METTL15: variants seen among roughly 807,000 people sequenced by gnomAD.
The protein encoded by METTL15 is 12S rRNA N(4)-cytidine methyltransferase METTL15.
In METTL15, 34 loss-of-function variants were observed where a neutral mutation model predicts 38.3. That is an observed-to-expected ratio of 0.89 (90% CI 0.68 to 1.18). The LOEUF (loss-of-function observed/expected upper bound fraction) is 1.18, where lower values mean the gene tolerates loss of function less well. METTL15 is among the 50% of genes most tolerant of loss of function. METTL15 has a pLI of 0.00. For synonymous variants in METTL15, 162 were observed against 170.9 expected, an observed-to-expected ratio of 0.95 and a Z score of 0.41; for missense variants, 438 against 498.4, an observed-to-expected ratio of 0.88 and a Z score of 1.15.
intron 6 of METTL15, among the ~76,000 whole-genome samples, chr11:28,447,979 C>G (rs961352530): frequency 6.6e-6 from 1 of 152,136 alleles, no homozygotes; most frequent in Non-Finnish European, 1.5e-5. Context: ...TGTCACAGAT[C>G]ACAACTTGGA....
chr11:28,375,660 A>G (rs2133379439), intron 5 of METTL15, among the ~76,000 whole-genome samples: 1 of 151,534 alleles, frequency 6.6e-6, no homozygotes, highest in Non-Finnish European at 1.5e-5. Flanking sequence ...TTGTGTCTCT[A>G]TTTCCTTCAG....
intron 4 of METTL15, among the ~76,000 whole-genome samples, chr11:28,283,346 G>A (rs1198940657): frequency 6.6e-6 from 1 of 152,124 alleles, no homozygotes; most frequent in Non-Finnish European, 1.5e-5. Flanking sequence ...AAGCACCTTA[G>A]AAACCATGGG....
At chr11:28,441,883 T>C (rs1374136961) in intron 6 of METTL15, among the ~76,000 whole-genome samples, 3 of 152,224 alleles carry the variant, frequency 2.0e-5, no homozygotes, top group Non-Finnish European at 2.9e-5. Context: ...AGGTTTTCAT[T>C]CTAGAAAATA....
intron 4 of METTL15, among the ~76,000 whole-genome samples, chr11:28,285,436 G>A (rs1050895638): frequency 6.0e-5 from 9 of 149,720 alleles, no homozygotes; most frequent in African/African-American, 1.2e-4. Context: ...ACAATTTTTC[G>A]TCTTCCAGTG....
chr11:28,134,972 A>G (rs1357644081), intron 3 of METTL15, among the ~76,000 whole-genome samples: 6 of 152,162 alleles, frequency 3.9e-5, no homozygotes, highest in Non-Finnish European at 8.8e-5. Context: ...GATTTGCAGG[A>G]TAATTTTCCA....
intron 6 of METTL15, among the ~76,000 whole-genome samples, chr11:28,323,667 G>T (rs1408911457): frequency 6.6e-6 from 1 of 152,186 alleles, no homozygotes; most frequent in Non-Finnish European, 1.5e-5. Context: ...TGGTGGATGT[G>T]TGGAAAAGAT....
At chr11:28,222,132 C>T (rs923834389) in intron 4 of METTL15, among the ~76,000 whole-genome samples, 1 of 152,188 alleles carries the variant, frequency 6.6e-6, no homozygotes, top group South Asian at 2.1e-4. Context: ...TTTTGTTTAG[C>T]TATGCCCTGC....
chr11:28,260,135 T>G (rs1331628544), intron 4 of METTL15, among the ~76,000 whole-genome samples: 1 of 152,192 alleles, frequency 6.6e-6, no homozygotes, highest in Non-Finnish European at 1.5e-5. Flanking sequence ...TCTCTAAGCT[T>G]CTTCTTGTTC....
intron 4 of METTL15, among the ~76,000 whole-genome samples, chr11:28,216,943 T>G (rs1368297822): frequency 2.6e-5 from 4 of 152,086 alleles, no homozygotes; most frequent in East Asian, 1.9e-4. Flanking sequence ...TGCCACATTT[T>G]CTTAATCCAG....
At chr11:28,251,809 G>C (rs536064330) in intron 4 of METTL15, among the ~76,000 whole-genome samples, 18 of 152,040 alleles carry the variant, frequency 1.2e-4, no homozygotes, top group African/African-American at 3.9e-4. Context: ...CTATTCTTCA[G>C]CCCATGGGGA....
In METTL15 at chr11:28,341,316, TA is replaced by T. The variant is rs567847530; in HGVS notation, c.*190-10766del. Among the ~76,000 whole-genome samples, 32 of 152,142 alleles carry T rather than the reference TA, an allele frequency of 2.1e-4. 1 individual carries two copies. In the East Asian group the frequency reaches 5.6e-3, roughly 27 times the overall value. On this transcript the variant is annotated intron_variant and NMD_transcript_variant, in intron 3 of 7. Coordinates refer to the METTL15 transcript ENST00000532947. ...TGTATCTCAAAACTTAAAGTATAAT[TA>T]AAAAAAATTTGCTATTCTATTTACT...
intron 6 of METTL15, among the ~76,000 whole-genome samples, chr11:28,320,170 CTAAA>C (rs138870803): frequency 0.034 from 4,632 of 136,790 alleles, 250 homozygotes; most frequent in African/African-American, 0.12. Context: ...AGTTGATAGA[CTAAA>C]TAAATAGTTT....
chr11:28,398,873 C>A (rs1407846316), intron 5 of METTL15: 2 of 151,930 alleles, frequency 1.3e-5, no homozygotes, highest in Non-Finnish European at 2.9e-5. Flanking sequence ...GGACATACTG[C>A]CCAAGTAATT....
At chr11:28,141,252 A>T (rs1348440025) in intron 3 of METTL15, among the ~76,000 whole-genome samples, 1 of 152,158 alleles carries the variant, frequency 6.6e-6, no homozygotes, top group East Asian at 1.9e-4. Context: ...CTGAGTCAGT[A>T]TCTGGGTGCA....
At chr11:28,328,303 T>C in intron 6 of METTL15, 1 of 706,570 alleles carries the variant, frequency 1.4e-6, no homozygotes, top group Non-Finnish European at 2.2e-6. Flanking sequence ...GAAAGAACCA[T>C]CACACTGATT....
At chr11:28,241,676 G>A (rs1322201446) in intron 4 of METTL15, among the ~76,000 whole-genome samples, 2 of 152,140 alleles carry the variant, frequency 1.3e-5, no homozygotes. Context: ...ACTTGGAAGA[G>A]GTACGGAGTT....
chr11:28,208,995 T>A (rs959064730), intron 3 of METTL15, among the ~76,000 whole-genome samples: 2 of 151,970 alleles, frequency 1.3e-5, no homozygotes, highest in African/African-American at 4.8e-5. Context: ...TCTGCCACTT[T>A]TTGGTTTCTG....
chr11:28,469,015 A>C (rs1851280642), intron 6 of METTL15, among the ~76,000 whole-genome samples: 1 of 152,190 alleles, frequency 6.6e-6, no homozygotes, highest in Non-Finnish European at 1.5e-5. Context: ...GCCTTTTAAA[A>C]GATTTTAAAA....
At chr11:28,221,819 T>C (rs2133865179) in intron 4 of METTL15, among the ~76,000 whole-genome samples, 1 of 152,186 alleles carries the variant, frequency 6.6e-6, no homozygotes, top group East Asian at 1.9e-4. Flanking sequence ...GGAGGTCCAC[T>C]CCAGACCCTG....
Sources: allele counts gnomAD v4.1 joint callset (sites outside exome capture counted in the v4.1 genomes callset), GRCh38; gene constraint gnomAD v4.1.1; transcripts MANE v1.5; gene names NCBI Gene and HGNC (gene_info 2026-07-23, HGNC 2026-07-21).